Variants in CUBN observed in about 807,000 individuals in gnomAD.
The protein encoded by CUBN is cubilin.
Under a neutral mutation model 405.3 loss-of-function variants are expected in CUBN, and 282 were observed. The observed-to-expected ratio is 0.70, with a 90% CI of 0.63 to 0.77. The LOEUF is 0.77. CUBN is among the 30% of genes least tolerant of loss of function. CUBN has a pLI of 0.00. For missense variants in CUBN, 4,514 were observed against 4,475.2 expected (o/e 1.01, Z -0.25); for synonymous variants, 1,684 against 1,617.0 (o/e 1.04, Z -0.99).
chr10:16,979,411 T>C (rs1833198943), intron 31 of CUBN, among the ~76,000 whole-genome samples: 1 of 152,052 alleles, frequency 6.6e-6, no homozygotes, highest in Non-Finnish European at 1.5e-5. Flanking sequence ...AGAACAAAGC[T>C]GGAGACATAA....
At chr10:16,880,647 A>G (rs1393059278) in intron 56 of CUBN, among the ~76,000 whole-genome samples, 1 of 152,238 alleles carries the variant, frequency 6.6e-6, no homozygotes, top group African/African-American at 2.4e-5. Flanking sequence ...TGCCATTCAA[A>G]GAATCTTGAC....
chr10:17,011,451 G>A (rs1333482254), intron 28 of CUBN, among the ~76,000 whole-genome samples: 1 of 152,126 alleles, frequency 6.6e-6, no homozygotes, highest in Non-Finnish European at 1.5e-5. Context: ...TGGGTTCGTG[G>A]TCTTGCTGAC....
intron 49 of CUBN, 146 bp from the exon 50 acceptor site, chr10:16,906,555 G>C: frequency 4.5e-6 from 3 of 672,820 alleles, no homozygotes; most frequent in Non-Finnish European, 5.2e-6. Context: ...TGGGTAAAAG[G>C]CATGCAAATT....
At chr10:16,949,500 T>C (rs1035134004) in intron 34 of CUBN, among the ~76,000 whole-genome samples, 20 of 151,594 alleles carry the variant, frequency 1.3e-4, no homozygotes, top group Admixed American at 1.3e-3. Context: ...CCTGAGAGCA[T>C]TTCAGAAACT....
At chr10:16,865,909 A>G (rs889341765) in intron 59 of CUBN, among the ~76,000 whole-genome samples, 1 of 152,196 alleles carries the variant, frequency 6.6e-6, no homozygotes. Flanking sequence ...ACGAAGGTCC[A>G]TGGCTTCATT....
At chr10:17,129,020 T>C in intron 2 of CUBN, 101 bp downstream of exon 2, 1 of 889,288 alleles carries the variant, frequency 1.1e-6, no homozygotes, top group Non-Finnish European at 1.7e-6. Flanking sequence ...TAAAAAATAA[T>C]AATTAAAAAA....
chr10:17,027,729 T>C (rs1834703456), intron 27 of CUBN, among the ~76,000 whole-genome samples: 1 of 152,182 alleles, frequency 6.6e-6, no homozygotes, highest in South Asian at 2.1e-4. Flanking sequence ...ATCTCCATAA[T>C]CTTTTCTTAA....
intron 31 of CUBN, among the ~76,000 whole-genome samples, chr10:16,974,769 G>T (rs772102501): frequency 6.6e-6 from 1 of 151,968 alleles, no homozygotes; most frequent in Non-Finnish European, 1.5e-5. Context: ...CAAGACTAGC[G>T]CCCCCTCCCT....
chr10:16,881,717 T>G (rs556579103), intron 56 of CUBN, among the ~76,000 whole-genome samples: 1 of 152,338 alleles, frequency 6.6e-6, no homozygotes, highest in South Asian at 2.1e-4. Context: ...CCCTTTCAAA[T>G]TCTCTCCAAA....
intron 31 of CUBN, 114 bp from the exon 32 acceptor site, chr10:16,954,662 C>G: frequency 8.7e-7 from 1 of 1,143,446 alleles, no homozygotes; most frequent in South Asian, 1.3e-5. Flanking sequence ...TTTGCTGGAT[C>G]TAGGGAAACT....
chr10:17,123,050 T>G, intron 5 of CUBN, 152 bp from the exon 6 acceptor site: 1 of 685,436 alleles, frequency 1.5e-6, no homozygotes, highest in Non-Finnish European at 2.7e-6. Context: ...CCCCTGGCTA[T>G]TCTTCCTCTG....
In CUBN at chr10:16,869,706, C is replaced by T; in HGVS notation, c.9384G>A (p.Met3128Ile). ...PPNVKSSNNS[M>I]LLVFKTDSFQ... ...ATGAATCTGTCTTGAACACCAGGAG[C>T]ATACTATTATTGCTGCTCTTCACAT... Residue 3128 changes from methionine (M) to isoleucine (I), a missense_variant, in exon 59 of 67, where the codon ATG becomes ATA. This residue lies in a region of CUBN where 1,186 missense variants were observed against 1,186.9 expected (regional missense o/e 1.00). Coordinates refer to ENST00000377833, the MANE Select transcript of CUBN (RefSeq NM_001081.4). 6.2e-7 allele frequency: 1 copy of T among 1,614,100 alleles called. No individual in the cohort carries two copies. The highest frequency in any genetic ancestry group is 8.5e-7 in the Non-Finnish European group (1 of 1,180,010).
intron 31 of CUBN, among the ~76,000 whole-genome samples, chr10:16,977,457 C>A (rs1404143528): frequency 6.6e-6 from 1 of 152,144 alleles, no homozygotes; most frequent in Non-Finnish European, 1.5e-5. Context: ...CAGGGTCAGT[C>A]AAAGAAGAAA....
intron 11 of CUBN, among the ~76,000 whole-genome samples, chr10:17,104,916 C>T (rs1027536473): frequency 7.3e-5 from 11 of 150,370 alleles, no homozygotes; most frequent in African/African-American, 2.5e-4. Flanking sequence ...TCAAGTGATT[C>T]TCCGGTCTCA....
intron 22 of CUBN, among the ~76,000 whole-genome samples, chr10:17,056,478 G>A (rs975230444): frequency 1.7e-4 from 26 of 152,026 alleles, no homozygotes; most frequent in Non-Finnish European, 2.8e-4. Flanking sequence ...GCATGGTGGC[G>A]GGCGCCTGCA....
At chr10:16,933,040 AATT>A (rs1842403785) in intron 40 of CUBN, 44 bp downstream of exon 40, 3 of 1,574,092 alleles carry the variant, frequency 1.9e-6, no homozygotes, top group Non-Finnish European at 2.6e-6. Context: ...GACTAGAACT[AATT>A]ATGTGTCAGG....
chr10:17,036,383 A>C (rs1834900702), intron 27 of CUBN, among the ~76,000 whole-genome samples: 2 of 152,202 alleles, frequency 1.3e-5, no homozygotes, highest in African/African-American at 2.4e-5. Flanking sequence ...GTCAGGGAGC[A>C]GGAGCAGAGC....
At chr10:16,925,218 T>C (rs1157128949) in intron 43 of CUBN, 23 bp downstream of exon 43, 1 of 1,592,066 alleles carries the variant, frequency 6.3e-7, no homozygotes, top group East Asian at 2.2e-5. Flanking sequence ...AAAGCAGATA[T>C]AATTCTCAGT....
chr10:16,847,759 C>T (rs80161397), intron 60 of CUBN, among the ~76,000 whole-genome samples: 2,980 of 152,276 alleles, frequency 0.02, 103 homozygotes, highest in African/African-American at 0.068. Context: ...TAATTACTCT[C>T]CAAGTCAACC....
Sources: gnomAD v4.1 joint callset for allele counts (sites outside exome capture counted in the v4.1 genomes callset) on GRCh38, gnomAD v4.1.1 for gene constraint, gnomAD v4.1.1 regional missense constraint, MANE v1.5 for transcripts, NCBI Gene and HGNC (gene_info 2026-07-23, HGNC 2026-07-21) for gene names.